Variants in XKR9 observed in about 807,000 individuals in gnomAD.
The protein encoded by XKR9 is XK-related protein 9.
A neutral mutation model predicts 32.0 loss-of-function variants in XKR9; 32 were observed. The ratio of observed to expected loss-of-function variants is 1.00; its 90% CI spans 0.76 to 1.34. The LOEUF (loss-of-function observed/expected upper bound fraction) is 1.34. Among genes scored for constraint, XKR9 ranks in the 40% most tolerant of loss-of-function variants. XKR9 has a pLI of 0.00. For synonymous variants in XKR9, 168 were observed against 143.4 expected (o/e 1.17, Z -1.22); for missense variants, 546 against 429.7 (o/e 1.27, Z -2.39).
At chr8:70,937,646 C>T in the XKR9 span, among the ~76,000 whole-genome samples, 75 of 152,160 alleles carry the variant, frequency 4.9e-4, no homozygotes, top group African/African-American at 1.6e-3. Flanking sequence ...AGATTTCCAG[C>T]GGTCTCCTGA....
chr8:70,798,515 G>A, the XKR9 span, among the ~76,000 whole-genome samples: 1 of 152,178 alleles, frequency 6.6e-6, no homozygotes, highest in Non-Finnish European at 1.5e-5. Context: ...CGTTTACTGT[G>A]TTGGCAATTT....
chr8:70,899,147 T>C, the XKR9 span, among the ~76,000 whole-genome samples: 2 of 152,116 alleles, frequency 1.3e-5, no homozygotes, highest in East Asian at 3.8e-4. Flanking sequence ...CATTTTTCTG[T>C]GGTGGCTTCC....
the XKR9 span, among the ~76,000 whole-genome samples, chr8:70,840,650 G>T: frequency 6.6e-6 from 1 of 152,058 alleles, no homozygotes. Flanking sequence ...TCACCCAAGA[G>T]AAAAGACTCA....
At chr8:70,929,339 T>A in the XKR9 span, among the ~76,000 whole-genome samples, 171 of 152,332 alleles carry the variant, frequency 1.1e-3, 1 homozygote, top group African/African-American at 3.3e-3. Flanking sequence ...GCAACTGTGT[T>A]GAAGAGTATA....
chr8:70,862,671 C>T, the XKR9 span, among the ~76,000 whole-genome samples: 1 of 151,610 alleles, frequency 6.6e-6, no homozygotes, highest in Non-Finnish European at 1.5e-5. Context: ...CTAATAAATG[C>T]TATCCAGCTG....
chr8:70,700,034 C>T (rs1376437087), intron 3 of XKR9, among the ~76,000 whole-genome samples: 2 of 152,238 alleles, frequency 1.3e-5, no homozygotes, highest in African/African-American at 4.8e-5. Context: ...TCAGCTCCAT[C>T]AGCTCCTTTA....
At chr8:70,689,916 A>AAAGCTGG (rs1326658313) in intron 3 of XKR9, among the ~76,000 whole-genome samples, 2 of 152,138 alleles carry the variant, frequency 1.3e-5, no homozygotes, top group Non-Finnish European at 2.9e-5. Flanking sequence ...GGGGAGGGTA[A>AAAGCTGG]AAGCTGGATA....
the XKR9 span, among the ~76,000 whole-genome samples, chr8:70,888,434 G>T: frequency 6.6e-6 from 1 of 151,456 alleles, no homozygotes; most frequent in Non-Finnish European, 1.5e-5. Context: ...TGTTTTCTTT[G>T]CTGTGCAGAC....
At chr8:70,956,808 G>T in the XKR9 span, among the ~76,000 whole-genome samples, 1 of 152,230 alleles carries the variant, frequency 6.6e-6, no homozygotes, top group African/African-American at 2.4e-5. Flanking sequence ...TGTCGGGAGT[G>T]GGGAGAGGCC....
chr8:70,772,756 G>A (rs943697858), intron 2 of XKR9, among the ~76,000 whole-genome samples: 1 of 152,132 alleles, frequency 6.6e-6, no homozygotes, highest in Non-Finnish European at 1.5e-5. Context: ...AAGATGAACA[G>A]AAAAATTAGC....
the XKR9 span, among the ~76,000 whole-genome samples, chr8:70,984,086 G>A: frequency 6.6e-6 from 1 of 152,298 alleles, no homozygotes; most frequent in East Asian, 1.9e-4. Flanking sequence ...CTAGCAGTAG[G>A]ACATTAAAAC....
the XKR9 span, among the ~76,000 whole-genome samples, chr8:71,014,902 C>T: frequency 2.6e-5 from 4 of 152,294 alleles, no homozygotes. Context: ...AGTCCTGGGT[C>T]CACTATTTGC....
the XKR9 span, among the ~76,000 whole-genome samples, chr8:71,043,751 T>C: frequency 6.6e-6 from 1 of 152,194 alleles, no homozygotes; most frequent in South Asian, 2.1e-4. Flanking sequence ...TTTTCCCTTC[T>C]TGAATAATTA....
chr8:70,789,686 A>T (rs1465254164), intron 3 of XKR9, among the ~76,000 whole-genome samples: 2 of 151,982 alleles, frequency 1.3e-5, no homozygotes, highest in Non-Finnish European at 2.9e-5. Context: ...TTTCTACTCT[A>T]TGGGATCTTA....
the XKR9 span, among the ~76,000 whole-genome samples, chr8:70,826,369 G>T: frequency 6.6e-6 from 1 of 152,054 alleles, no homozygotes; most frequent in Non-Finnish European, 1.5e-5. Flanking sequence ...CTTTTGGTTT[G>T]TTCTACCAAT....
chr8:70,807,713 C>G, the XKR9 span, among the ~76,000 whole-genome samples: 1 of 152,188 alleles, frequency 6.6e-6, no homozygotes, highest in Non-Finnish European at 1.5e-5. Flanking sequence ...GAAGAGCTAA[C>G]TATTCTAAAT....
chr8:70,976,391 A>G, the XKR9 span, among the ~76,000 whole-genome samples: 1 of 152,188 alleles, frequency 6.6e-6, no homozygotes, highest in Non-Finnish European at 1.5e-5. Flanking sequence ...GGTATATTCC[A>G]TCAATACCTA....
At chr8:70,778,026 C>A (rs974460788) in intron 2 of XKR9, among the ~76,000 whole-genome samples, 1 of 152,144 alleles carries the variant, frequency 6.6e-6, no homozygotes, top group African/African-American at 2.4e-5. Flanking sequence ...GAAGTCCTTG[C>A]CCATGCCTAT....
chr8:70,844,417 G>A, the XKR9 span, among the ~76,000 whole-genome samples: 1 of 152,162 alleles, frequency 6.6e-6, no homozygotes, highest in Non-Finnish European at 1.5e-5. Context: ...GTGTGTGGCT[G>A]CAGTCACTGG....
Sources: allele counts gnomAD v4.1 joint callset (sites outside exome capture counted in the v4.1 genomes callset), GRCh38; gene constraint gnomAD v4.1.1; transcripts MANE v1.5; gene names NCBI Gene and HGNC (gene_info 2026-07-23, HGNC 2026-07-21).